HSD3B2: variants seen among roughly 807,000 people sequenced by gnomAD.
HSD3B2 encodes 3 beta-hydroxysteroid dehydrogenase/Delta 5-->4-isomerase type 2.
In HSD3B2, 8 loss-of-function variants were observed where a neutral mutation model predicts 9.9. The ratio of observed to expected loss-of-function variants is 0.81; its 90% confidence interval spans 0.47 to 1.46. The LOEUF is 1.46. Among genes scored for constraint, HSD3B2 ranks in the 40% most tolerant of loss-of-function variants. The pLI is 0.00. For synonymous variants in HSD3B2, 221 were observed against 184.5 expected (o/e 1.20, Z -1.60); for missense variants, 410 against 448.3 (o/e 0.91, Z 0.77).
chr1:119,421,757 G>A (rs1023059158), intron 3 of HSD3B2, 52 bp from the exon 4 acceptor site: 4 of 1,600,308 alleles, frequency 2.5e-6, no homozygotes, highest in East Asian at 4.5e-5. Context: ...GCATGTGGTT[G>A]CAGCTCCTTT....
Position 119,421,946 on chromosome 1 carries a change from A to C in HSD3B2, c.445A>C (p.Thr149Pro). 1.2e-6 allele frequency: 2 copies of C among 1,614,100 alleles called. No homozygotes were observed. Among genetic ancestry groups the C allele is most frequent in the South Asian group, 2.2e-5 (2 of 91,082 alleles). ...CCACGAAGAAGAGCCTCTGGAAAACACATGGCCCACTCCATACCCGTACAG... is the reference window on the plus strand; with the variant it reads ...CCACGAAGAAGAGCCTCTGGAAAACCCATGGCCCACTCCATACCCGTACAG... ...NGHEEEPLEN[T>P]WPTPYPYSKK... Residue 149 changes from threonine to proline, a missense_variant, in exon 4 of 4, where the codon ACA becomes CCA. By Grantham distance (38) the Thr-to-Pro change is conservative. Coordinates refer to ENST00000369416, the MANE Select transcript of HSD3B2 (RefSeq NM_000198.4).
At chr1:119,417,536 C>T (rs905107673) in intron 2 of HSD3B2, 5 of 152,194 alleles carry the variant, frequency 3.3e-5, no homozygotes, top group South Asian at 2.1e-4. Flanking sequence ...ATTCCACTCT[C>T]GGGCTGACAC....
In HSD3B2 at chr1:119,419,299, C is replaced by G. The variant is rs1374093109; in HGVS notation, c.143-119C>G. On this transcript the variant is annotated intron_variant, in intron 2 of 3. Coordinates refer to ENST00000369416, the MANE Select transcript of HSD3B2 (RefSeq NM_000198.4). ...GTTCCTTTTATGGAATGTAGTACAC[C>G]CTCCACTCTAATACCCACACTCTAA... The G allele has an allele frequency of 1.5e-5, 13 of 887,646 alleles. No homozygotes were observed. In the East Asian group the frequency reaches 3.0e-4, roughly 21 times the overall value. 55.0% of individuals were successfully genotyped at this position (887,646 alleles called of 1,614,324 possible). A position where few individuals can be genotyped will look rare whatever the true frequency, so the allele number is the denominator to read the frequency against.
At chr1:119,418,067 T>G (rs768945132) in intron 2 of HSD3B2, among the ~76,000 whole-genome samples, 1 of 152,130 alleles carries the variant, frequency 6.6e-6, no homozygotes, top group Non-Finnish European at 1.5e-5. Flanking sequence ...TAGCATGGTG[T>G]TCATTTTGTG....
intron 3 of HSD3B2, among the ~76,000 whole-genome samples, chr1:119,420,549 G>A (rs1374088201): frequency 6.6e-6 from 1 of 152,114 alleles, no homozygotes; most frequent in African/African-American, 2.4e-5. Flanking sequence ...CCAAAAACAA[G>A]GGATAAGAAA....
chr1:119,416,049 T>A (rs909146126), intron 2 of HSD3B2, among the ~76,000 whole-genome samples: 8 of 151,766 alleles, frequency 5.3e-5, no homozygotes, highest in Admixed American at 4.6e-4. Context: ...GTGTGTGTAA[T>A]TGTGTGTGTG....
At chr1:119,418,278 A>T (rs1290412538) in intron 2 of HSD3B2, among the ~76,000 whole-genome samples, 3 of 152,188 alleles carry the variant, frequency 2.0e-5, no homozygotes, top group Non-Finnish European at 4.4e-5. Flanking sequence ...GAAATTAATC[A>T]TTTAAGCCCA....
At chr1:119,418,488 T>C (rs1216253174) in intron 2 of HSD3B2, among the ~76,000 whole-genome samples, 1 of 152,094 alleles carries the variant, frequency 6.6e-6, no homozygotes, top group African/African-American at 2.4e-5. Context: ...AGTCCTCATC[T>C]AAACTTTGGC....
At chr1:119,419,641 A>G (rs1651806628) in intron 3 of HSD3B2, 59 bp downstream of exon 3, 1 of 1,534,760 alleles carries the variant, frequency 6.5e-7, no homozygotes, top group South Asian at 1.1e-5. Flanking sequence ...AGAAAGAAGG[A>G]CAAGAAAGGG....
At chr1:119,421,787 T>C in intron 3 of HSD3B2, 22 bp from the exon 4 acceptor site, 1 of 1,613,294 alleles carries the variant, frequency 6.2e-7, no homozygotes, top group African/African-American at 1.3e-5. Flanking sequence ...CCTGACACTG[T>C]CATCATGCTC....
chr1:119,422,035 C>CT lies in HSD3B2; in HGVS notation c.536dup (p.Leu179PhefsTer25). The CT allele has an allele frequency of 6.2e-7, 1 of 1,614,064 alleles. No individual in the cohort carries two copies. On this transcript the variant is annotated frameshift_variant, in exon 4 of 4. Coordinates refer to ENST00000369416, the MANE Select transcript of HSD3B2 (RefSeq NM_000198.4). LOFTEE classifies it low-confidence loss of function (END_TRUNC). ...GGTGGAATCTAAAAAATGGTGATAC[C>CT]TTGTACACTTGTGCGTTAAGACCCA...
intron 2 of HSD3B2, among the ~76,000 whole-genome samples, chr1:119,417,172 C>T (rs1651734113): frequency 6.6e-6 from 1 of 152,180 alleles, no homozygotes; most frequent in Non-Finnish European, 1.5e-5. Flanking sequence ...GGATTTGAAT[C>T]CAGGCAGTCT....
At position 119,422,467 on chromosome 1, in the gene HSD3B2, A is replaced by C; in HGVS notation, c.966A>C (p.Ser322=). The change falls in exon 4 of 4, where the codon TCA becomes TCC. Residue 322 remains serine, a synonymous_variant. Coordinates refer to ENST00000369416, the MANE Select transcript of HSD3B2 (RefSeq NM_000198.4). ...PPFNRHTVTL[S]NSVFTFSYKK... is the part of the protein sequence containing the mutation. ...TCAACCGCCACACAGTCACATTATC[A>C]AATAGTGTGTTCACCTTCTCTTACA... The C allele has an allele frequency of 6.2e-7, 1 of 1,614,004 alleles. No individual in the cohort carries two copies. Among genetic ancestry groups the C allele is most frequent in the East Asian group, 2.2e-5 (1 of 44,856 alleles).
rs1651937801 is a variant in HSD3B2, at chr1:119,422,942, T to C, written c.*322T>C. On this transcript the variant is annotated 3_prime_UTR_variant, in exon 4 of 4. Coordinates refer to ENST00000369416, the MANE Select transcript of HSD3B2 (RefSeq NM_000198.4). ...GACTAATAGAGCTCCATTTCCCCTC[T>C]TAAATGAGAAAGCATTTCTTTTCTC... The C allele has an allele frequency of 2.1e-6, 1 of 467,586 alleles. No individual in the cohort carries two copies. Among genetic ancestry groups the C allele is most frequent in the Non-Finnish European group, 3.9e-6 (1 of 258,674 alleles). 29.0% of individuals were successfully genotyped at this position (467,586 alleles called of 1,614,324 possible).
Position 119,422,748 on chromosome 1 carries a change from C to G in HSD3B2, c.*128C>G, listed in dbSNP as rs1651930673. ...CCTGCTGCCTCTCTTTCACACAATG[C>G]CCAACTTACTGTCTTCTTCATGTCA... On this transcript the variant is annotated 3_prime_UTR_variant, in exon 4 of 4. Coordinates refer to ENST00000369416, the MANE Select transcript of HSD3B2 (RefSeq NM_000198.4). 1 of 1,092,322 alleles carries G rather than the reference C, an allele frequency of 9.2e-7. No individual in the cohort carries two copies. Among genetic ancestry groups the G allele is most frequent in the Non-Finnish European group, 1.4e-6 (1 of 733,666 alleles). The allele number at this position is 1,092,322 out of a possible 1,614,324, so 67.7% of individuals were successfully genotyped here.
At chr1:119,421,178 A>G (rs1418624212) in intron 3 of HSD3B2, among the ~76,000 whole-genome samples, 1 of 151,850 alleles carries the variant, frequency 6.6e-6, no homozygotes, top group Non-Finnish European at 1.5e-5. Flanking sequence ...TGTGTGTAAC[A>G]CAAATTCTTC....
intron 3 of HSD3B2, among the ~76,000 whole-genome samples, chr1:119,421,420 TA>T (rs1417658687): frequency 9.6e-5 from 2 of 20,932 alleles, no homozygotes; most frequent in Admixed American, 6.4e-4. Context: ...TATATATGTA[TA>T]TATATGTATA....
intron 3 of HSD3B2, 124 bp from the exon 4 acceptor site, chr1:119,421,685 T>C: frequency 9.3e-7 from 1 of 1,076,332 alleles, no homozygotes; most frequent in Non-Finnish European, 1.4e-6. Context: ...CACAGAAGAA[T>C]GCACCCTGAG....
chr1:119,421,726 GA>G, intron 3 of HSD3B2, 82 bp from the exon 4 acceptor site: 1 of 1,454,362 alleles, frequency 6.9e-7, no homozygotes, highest in Admixed American at 1.7e-5. Context: ...TGGGAGTGGG[GA>G]GTGGGGCACA....
Sources: gnomAD v4.1 joint callset for allele counts (sites outside exome capture counted in the v4.1 genomes callset) on GRCh38, gnomAD v4.1.1 for gene constraint, MANE v1.5 for transcripts, NCBI Gene and HGNC (gene_info 2026-07-23, HGNC 2026-07-21) for gene names.